GRID2: variants seen among roughly 807,000 people sequenced by gnomAD.
GRID2 encodes the protein glutamate receptor ionotropic, delta-2.
GRID2 carries 33 observed loss-of-function variants against 114.8 expected under a neutral mutation model. That is an observed-to-expected ratio of 0.29 (90% CI 0.22 to 0.38). The LOEUF (loss-of-function observed/expected upper bound fraction) is 0.38, where lower values mean the gene tolerates loss of function less well. GRID2 is among the 10% of genes least tolerant of loss of function. The pLI is 1.00. For synonymous variants in GRID2, 505 were observed against 449.9 expected (o/e 1.12, Z -1.55); for missense variants, 1,184 against 1,257.7 (o/e 0.94, Z 0.89).
At chr4:93,524,823 G>GTATA (rs1300787035) in intron 13 of GRID2, among the ~76,000 whole-genome samples, 1,160 of 59,772 alleles carry the variant, frequency 0.019, 27 homozygotes, top group Middle Eastern at 0.053. Flanking sequence ...ATGTATGTAT[G>GTATA]TATATATATA....
chr4:92,771,877 G>C (rs1738560774), intron 2 of GRID2, among the ~76,000 whole-genome samples: 1 of 152,110 alleles, frequency 6.6e-6, no homozygotes, highest in Non-Finnish European at 1.5e-5. Context: ...CCAAGATCAG[G>C]ATCCATTCAC....
chr4:92,616,159 A>G (rs78897193), intron 2 of GRID2, among the ~76,000 whole-genome samples: 7,121 of 151,704 alleles, frequency 0.047, 205 homozygotes, highest in East Asian at 0.095. Flanking sequence ...TATTGGAAGA[A>G]AAATCTGCTA....
At chr4:93,296,311 C>T (rs1297211611) in intron 8 of GRID2, among the ~76,000 whole-genome samples, 20 of 150,654 alleles carry the variant, frequency 1.3e-4, no homozygotes, top group Admixed American at 1.3e-3. Context: ...TCCCACCCCA[C>T]AGATAATCCA....
At chr4:93,688,136 G>A (rs1236134716) in intron 14 of GRID2, among the ~76,000 whole-genome samples, 1 of 151,838 alleles carries the variant, frequency 6.6e-6, no homozygotes, top group African/African-American at 2.4e-5. Context: ...TGAGAATGAG[G>A]GGATAGAGGC....
intron 11 of GRID2, among the ~76,000 whole-genome samples, chr4:93,483,556 A>G (rs1726076715): frequency 6.6e-6 from 1 of 152,128 alleles, no homozygotes; most frequent in African/African-American, 2.4e-5. Context: ...ATATATACTC[A>G]CACAGAATAA....
intron 1 of GRID2, among the ~76,000 whole-genome samples, chr4:92,558,847 A>T (rs1726987820): frequency 2.0e-5 from 3 of 152,038 alleles, no homozygotes; most frequent in African/African-American, 4.8e-5. Context: ...ACTAGAGCTG[A>T]TGGTGCCCTC....
intron 2 of GRID2, among the ~76,000 whole-genome samples, chr4:92,850,336 T>G (rs943348587): frequency 6.6e-6 from 1 of 151,866 alleles, no homozygotes; most frequent in African/African-American, 2.4e-5. Context: ...CTTATAAAAA[T>G]ATGCATTGTT....
intron 2 of GRID2, among the ~76,000 whole-genome samples, chr4:92,878,640 G>C (rs1024929610): frequency 6.6e-6 from 1 of 152,034 alleles, no homozygotes; most frequent in African/African-American, 2.4e-5. Context: ...ATGCATATTT[G>C]TAAATTTCTT....
At chr4:92,580,641 T>A (rs1327182793) in intron 1 of GRID2, among the ~76,000 whole-genome samples, 1 of 151,988 alleles carries the variant, frequency 6.6e-6, no homozygotes. Context: ...AAAATGAGTT[T>A]GACCCTTCTA....
At chr4:93,033,547 C>T (rs1402862851) in intron 2 of GRID2, among the ~76,000 whole-genome samples, 4 of 152,064 alleles carry the variant, frequency 2.6e-5, no homozygotes, top group African/African-American at 9.7e-5. Context: ...TGATTGCTCT[C>T]ATGACTGATC....
At chr4:93,073,917 G>C (rs1209167846) in intron 2 of GRID2, among the ~76,000 whole-genome samples, 1 of 152,214 alleles carries the variant, frequency 6.6e-6, no homozygotes, top group East Asian at 1.9e-4. Flanking sequence ...ACGGAGGCTG[G>C]ACCAGGTCCG....
intron 1 of GRID2, among the ~76,000 whole-genome samples, chr4:92,379,210 T>C (rs951337571): frequency 7.4e-5 from 9 of 121,670 alleles, no homozygotes; most frequent in African/African-American, 3.0e-4. Context: ...TACATAAAGT[T>C]TAATTTTTTT....
At chr4:93,595,535 A>G (rs990824809) in intron 13 of GRID2, among the ~76,000 whole-genome samples, 1 of 152,220 alleles carries the variant, frequency 6.6e-6, no homozygotes, top group Non-Finnish European at 1.5e-5. Flanking sequence ...GAAACACTGC[A>G]TGAAAAGCAT....
intron 2 of GRID2, among the ~76,000 whole-genome samples, chr4:92,756,546 AACTT>A (rs1737728853): frequency 6.6e-6 from 1 of 152,144 alleles, no homozygotes; most frequent in Admixed American, 6.6e-5. Context: ...GGCTTCTACT[AACTT>A]GTATTCCCAC....
chr4:92,622,392 G>A (rs553436920), intron 2 of GRID2, among the ~76,000 whole-genome samples: 1 of 151,690 alleles, frequency 6.6e-6, no homozygotes, highest in East Asian at 1.9e-4. Flanking sequence ...AAATTCTCTT[G>A]GAGTGGATGC....
In GRID2 at chr4:92,502,969, G is replaced by A. The variant is rs1723763141; in HGVS notation, c.89-87162G>A. Among the ~76,000 whole-genome samples the A allele has an allele frequency of 3.3e-5, 5 of 151,942 alleles. No homozygotes were observed. In the South Asian group the frequency reaches 1.0e-3, roughly 32 times the overall value. Reference sequence around the variant, plus strand: ...CTGACCCCATGATCAGCCCACCTTAGCTTCCCAAAGTGCTGGGATTACAGA... The same window carrying A: ...CTGACCCCATGATCAGCCCACCTTAACTTCCCAAAGTGCTGGGATTACAGA... On this transcript the variant is annotated intron_variant, in intron 1 of 15. Coordinates refer to ENST00000282020, the MANE Select transcript of GRID2 (RefSeq NM_001510.4).
chr4:93,654,274 T>A (rs1722819258), intron 14 of GRID2, among the ~76,000 whole-genome samples: 1 of 152,152 alleles, frequency 6.6e-6, no homozygotes, highest in Admixed American at 6.5e-5. Context: ...CAAAGAGAAA[T>A]GATAAAACTC....
rs565640998 is a variant in GRID2, at chr4:92,818,986, C to A, written c.244+228700C>A. 2.6e-5 allele frequency among the ~76,000 whole-genome samples: 4 copies of A among 152,144 alleles called. No individual in the cohort carries two copies. The South Asian group carries it at 8.3e-4, about 32-fold the overall frequency. On this transcript the variant is annotated intron_variant, in intron 2 of 15. Coordinates refer to ENST00000282020, the MANE Select transcript of GRID2 (RefSeq NM_001510.4). ...TATGAAGAAGCTTATGTTGCAAGAG[C>A]TTCATTCTCACTGTATATACCTGAA...
At chr4:93,529,880 G>T (rs1019167197) in intron 13 of GRID2, among the ~76,000 whole-genome samples, 1 of 152,082 alleles carries the variant, frequency 6.6e-6, no homozygotes, top group African/African-American at 2.4e-5. Context: ...TGGATGTCCT[G>T]TCAGTGCTCC....
Sources: allele counts gnomAD v4.1 joint callset (sites outside exome capture counted in the v4.1 genomes callset), GRCh38; gene constraint gnomAD v4.1.1; transcripts MANE v1.5; gene names NCBI Gene and HGNC (gene_info 2026-07-23, HGNC 2026-07-21).